Variants in CDK14 observed in about 807,000 individuals in gnomAD.
CDK14 encodes the protein cyclin-dependent kinase 14.
A neutral mutation model predicts 60.7 loss-of-function variants in CDK14; 34 were observed. The ratio of observed to expected loss-of-function variants is 0.56; its 90% CI spans 0.43 to 0.75. The LOEUF is 0.75. Ranked by LOEUF, CDK14 falls within the 30% of genes least tolerant of loss-of-function variation. The pLI, the probability that CDK14 is intolerant of heterozygous loss-of-function variation, is 0.00. For missense variants in CDK14, 482 were observed against 564.1 expected, an observed-to-expected ratio of 0.85 and a Z score of 1.47; for synonymous variants, 197 against 203.7, an observed-to-expected ratio of 0.97 and a Z score of 0.28.
intron 2 of CDK14, among the ~76,000 whole-genome samples, chr7:90,705,548 AG>A (rs1203719488): frequency 6.6e-6 from 1 of 151,556 alleles, no homozygotes; most frequent in African/African-American, 2.4e-5. Context: ...GAGCCTGTGG[AG>A]TAAGGCCTAC....
intron 12 of CDK14, among the ~76,000 whole-genome samples, chr7:91,102,555 C>T (rs1476746927): frequency 1.3e-5 from 2 of 151,682 alleles, no homozygotes; most frequent in South Asian, 2.1e-4. Context: ...TGTAGCTTGC[C>T]TTAGTTGTTA....
intron 2 of CDK14, among the ~76,000 whole-genome samples, chr7:90,688,446 G>A (rs1484921555): frequency 6.6e-6 from 1 of 152,080 alleles, no homozygotes; most frequent in Non-Finnish European, 1.5e-5. Flanking sequence ...CTATATGTCA[G>A]TATTTTTAAA....
intron 12 of CDK14, among the ~76,000 whole-genome samples, chr7:91,110,696 A>G (rs1266608092): frequency 6.6e-6 from 1 of 152,074 alleles, no homozygotes; most frequent in Non-Finnish European, 1.5e-5. Context: ...TTTTCTTTTA[A>G]TAATAGTTAT....
At chr7:90,681,345 G>A (rs1801312227) in intron 2 of CDK14, among the ~76,000 whole-genome samples, 1 of 152,154 alleles carries the variant, frequency 6.6e-6, no homozygotes, top group South Asian at 2.1e-4. Flanking sequence ...GAAGTACTTA[G>A]TTCGCTTGTT....
intron 4 of CDK14, among the ~76,000 whole-genome samples, chr7:90,780,915 C>T (rs1198923003): frequency 2.0e-5 from 3 of 151,882 alleles, no homozygotes; most frequent in Non-Finnish European, 4.4e-5. Flanking sequence ...TGGGTATATA[C>T]CCAGTAATGG....
At chr7:90,626,271 C>T (rs890609468) in intron 2 of CDK14, among the ~76,000 whole-genome samples, 14 of 152,128 alleles carry the variant, frequency 9.2e-5, no homozygotes, top group African/African-American at 3.1e-4. Flanking sequence ...GTGATTGCAC[C>T]TCAGTTTTTA....
At chr7:90,729,662 T>C (rs1802783310) in intron 3 of CDK14, among the ~76,000 whole-genome samples, 1 of 151,686 alleles carries the variant, frequency 6.6e-6, no homozygotes, top group Non-Finnish European at 1.5e-5. Context: ...TTTTAATATA[T>C]ATTAGGTCAT....
At chr7:90,790,716 TTA>T in intron 5 of CDK14, 64 bp downstream of exon 5, 1 of 992,646 alleles carries the variant, frequency 1.0e-6, no homozygotes, top group South Asian at 1.4e-5. Context: ...TATTTTAATA[TTA>T]TACACCTCTG....
intron 14 of CDK14, among the ~76,000 whole-genome samples, chr7:91,166,184 A>G (rs1460044623): frequency 6.6e-6 from 1 of 152,224 alleles, no homozygotes; most frequent in East Asian, 1.9e-4. Flanking sequence ...GCATATCTGG[A>G]TTCCTATATT....
intron 5 of CDK14, among the ~76,000 whole-genome samples, chr7:90,848,763 T>G: frequency 6.6e-6 from 1 of 152,214 alleles, no homozygotes; most frequent in East Asian, 1.9e-4. Context: ...TCAATGAATC[T>G]GTATTCAAAG....
At chr7:90,598,165 A>T (rs1160956507) in intron 1 of CDK14, among the ~76,000 whole-genome samples, 1 of 152,230 alleles carries the variant, frequency 6.6e-6, no homozygotes, top group Non-Finnish European at 1.5e-5. Flanking sequence ...TATATTTACT[A>T]ATGCTAATGA....
At chr7:91,065,077 T>C (rs1461676060) in intron 11 of CDK14, among the ~76,000 whole-genome samples, 1 of 152,186 alleles carries the variant, frequency 6.6e-6, no homozygotes, top group African/African-American at 2.4e-5. Flanking sequence ...GTTTAATGAA[T>C]ACAGTAGAAC....
At chr7:90,748,115 G>A (rs549542329) in intron 4 of CDK14, among the ~76,000 whole-genome samples, 39 of 152,228 alleles carry the variant, frequency 2.6e-4, no homozygotes, top group Non-Finnish European at 4.1e-4. Context: ...GTTGGGAATA[G>A]GAGTATTGAT....
chr7:90,803,558 A>G (rs1330845588), intron 5 of CDK14, among the ~76,000 whole-genome samples: 1 of 152,182 alleles, frequency 6.6e-6, no homozygotes, highest in African/African-American at 2.4e-5. Context: ...TAGTGGAACC[A>G]GTAATGAGTA....
chr7:90,653,721 A>T (rs1459957785), intron 2 of CDK14, among the ~76,000 whole-genome samples: 1 of 152,084 alleles, frequency 6.6e-6, no homozygotes, highest in Non-Finnish European at 1.5e-5. Context: ...CACAATGTGC[A>T]GGTTTGTTAC....
chr7:91,013,822 G>A (rs1433137543), intron 10 of CDK14, among the ~76,000 whole-genome samples: 1 of 152,008 alleles, frequency 6.6e-6, no homozygotes, highest in Admixed American at 6.6e-5. Flanking sequence ...GACTCAATCT[G>A]AAGAGGTTTT....
chr7:91,006,414 A>G (rs776675481), intron 10 of CDK14, among the ~76,000 whole-genome samples: 4 of 152,226 alleles, frequency 2.6e-5, no homozygotes, highest in Non-Finnish European at 5.9e-5. Flanking sequence ...TTCTTTTTTC[A>G]GAAAACATTA....
chr7:90,649,638 G>T (rs116538952), intron 2 of CDK14, among the ~76,000 whole-genome samples: 12,163 of 151,152 alleles, frequency 0.08, 646 homozygotes, highest in East Asian at 0.19. Flanking sequence ...ATGCCCTGGC[G>T]AGTGATGTTC....
intron 12 of CDK14, among the ~76,000 whole-genome samples, chr7:91,090,732 G>A (rs1454612265): frequency 6.6e-6 from 1 of 152,076 alleles, no homozygotes; most frequent in East Asian, 1.9e-4. Context: ...CAGAACATCC[G>A]AGAGATTTTC....
Sources: gnomAD v4.1 joint callset for allele counts (sites outside exome capture counted in the v4.1 genomes callset) on GRCh38, gnomAD v4.1.1 for gene constraint, MANE v1.5 for transcripts, NCBI Gene and HGNC (gene_info 2026-07-23, HGNC 2026-07-21) for gene names.